Variants in ROBO2 observed in about 807,000 individuals in gnomAD.
The protein encoded by ROBO2 is roundabout homolog 2.
A neutral mutation model predicts 160.8 loss-of-function variants in ROBO2; 53 were observed. The observed-to-expected ratio is 0.33, with a 90% confidence interval of 0.26 to 0.41. The LOEUF (loss-of-function observed/expected upper bound fraction) is 0.41, where lower values mean the gene tolerates loss of function less well. ROBO2 is among the 10% of genes least tolerant of loss of function. The pLI is 1.00. For synonymous variants in ROBO2, 664 were observed against 611.7 expected (o/e 1.09, Z -1.26); for missense variants, 1,577 against 1,722.4 (o/e 0.92, Z 1.49).
At chr3:76,978,894 A>C (rs1228368779) in intron 2 of ROBO2, among the ~76,000 whole-genome samples, 2 of 151,770 alleles carry the variant, frequency 1.3e-5, no homozygotes, top group African/African-American at 4.8e-5. Flanking sequence ...TGTAAATATA[A>C]GGAGTACAAG....
chr3:76,124,694 C>T (rs2070896755), intron 2 of ROBO2, among the ~76,000 whole-genome samples: 1 of 151,816 alleles, frequency 6.6e-6, no homozygotes, highest in Non-Finnish European at 1.5e-5. Context: ...AATAAAGTTA[C>T]AATGAACTTC....
At chr3:76,135,969 A>AC (rs33977973) in intron 2 of ROBO2, among the ~76,000 whole-genome samples, 8 of 151,668 alleles carry the variant, frequency 5.3e-5, no homozygotes, top group African/African-American at 1.9e-4. Flanking sequence ...TACCAAAAAA[A>AC]ATCTGTAACA....
intron 2 of ROBO2, among the ~76,000 whole-genome samples, chr3:76,513,893 C>G (rs185660409): frequency 6.6e-6 from 1 of 152,140 alleles, no homozygotes; most frequent in East Asian, 1.9e-4. Context: ...AATGTAAGAA[C>G]TTTTTGAAAA....
At chr3:76,711,291 G>A (rs1263888912) in intron 2 of ROBO2, among the ~76,000 whole-genome samples, 1 of 152,120 alleles carries the variant, frequency 6.6e-6, no homozygotes, top group Non-Finnish European at 1.5e-5. Flanking sequence ...AAGAGCGAAG[G>A]GGGAAGTGTC....
intron 2 of ROBO2, among the ~76,000 whole-genome samples, chr3:77,383,972 C>A (rs2073832967): frequency 6.6e-6 from 1 of 152,200 alleles, no homozygotes; most frequent in Non-Finnish European, 1.5e-5. Context: ...TAAATGAGTT[C>A]TATCAAACAT....
At chr3:77,568,634 G>T (rs2093556719) in intron 13 of ROBO2, among the ~76,000 whole-genome samples, 200 bp downstream of exon 14, 1 of 151,942 alleles carries the variant, frequency 6.6e-6, no homozygotes, top group African/African-American at 2.4e-5. Context: ...TATAAACATG[G>T]CATATCCTGT....
At chr3:76,462,664 G>A (rs2078150498) in intron 2 of ROBO2, among the ~76,000 whole-genome samples, 1 of 151,798 alleles carries the variant, frequency 6.6e-6, no homozygotes, top group African/African-American at 2.4e-5. Flanking sequence ...ATGCATCACA[G>A]GGAGTAAGAG....
At chr3:76,115,159 A>G (rs1332587053) in intron 2 of ROBO2, among the ~76,000 whole-genome samples, 1 of 152,114 alleles carries the variant, frequency 6.6e-6, no homozygotes, top group East Asian at 1.9e-4. Context: ...TTGAACTAAG[A>G]TACCTTCTCA....
chr3:76,174,722 A>C (rs1343375729), intron 2 of ROBO2, among the ~76,000 whole-genome samples: 1 of 151,990 alleles, frequency 6.6e-6, no homozygotes, highest in Non-Finnish European at 1.5e-5. Context: ...ATTGGTCTAT[A>C]TATCTGTTTT....
intron 2 of ROBO2, among the ~76,000 whole-genome samples, chr3:77,242,961 G>T (rs1178607830): frequency 1.3e-5 from 2 of 151,632 alleles, no homozygotes; most frequent in African/African-American, 2.4e-5. Flanking sequence ...ATATGTGTGT[G>T]TGTGCATGTG....
At chr3:76,889,488 G>A (rs1164425538) in intron 2 of ROBO2, among the ~76,000 whole-genome samples, 1 of 152,020 alleles carries the variant, frequency 6.6e-6, no homozygotes, top group Non-Finnish European at 1.5e-5. Flanking sequence ...TGATAAACAT[G>A]GTAAAGACTT....
intron 2 of ROBO2, among the ~76,000 whole-genome samples, chr3:76,995,683 G>A (rs1379990012): frequency 6.6e-6 from 1 of 152,166 alleles, no homozygotes; most frequent in African/African-American, 2.4e-5. Flanking sequence ...GTTTTGATTT[G>A]TATTTCTCTG....
intron 2 of ROBO2, among the ~76,000 whole-genome samples, chr3:76,795,154 G>A (rs566503463): frequency 3.3e-5 from 5 of 152,136 alleles, no homozygotes; most frequent in Non-Finnish European, 5.9e-5. Flanking sequence ...CATCTGAGAC[G>A]TCAGCAAGTC....
chr3:77,423,022 A>T (rs2077852653), intron 2 of ROBO2, among the ~76,000 whole-genome samples: 1 of 152,136 alleles, frequency 6.6e-6, no homozygotes, highest in Non-Finnish European at 1.5e-5. Flanking sequence ...TACAATCTAG[A>T]AGTTAAGTGA....
intron 2 of ROBO2, among the ~76,000 whole-genome samples, chr3:76,998,076 C>T (rs1304739795): frequency 1.3e-5 from 2 of 152,138 alleles, no homozygotes; most frequent in Non-Finnish European, 2.9e-5. Flanking sequence ...ACAAGACCAG[C>T]TCAGAATCCA....
At chr3:76,611,902 A>C (rs2109088655) in intron 2 of ROBO2, among the ~76,000 whole-genome samples, 1 of 152,248 alleles carries the variant, frequency 6.6e-6, no homozygotes, top group East Asian at 1.9e-4. Flanking sequence ...TTACTGCTAT[A>C]AACTTTCCTC....
chr3:76,657,884 GTA>G (rs537664624), intron 2 of ROBO2, among the ~76,000 whole-genome samples: 21 of 146,586 alleles, frequency 1.4e-4, no homozygotes, highest in Admixed American at 6.9e-4. Flanking sequence ...GTGTGTGTGT[GTA>G]TATATATATA....
chr3:76,363,438 T>G (rs2108410460), intron 2 of ROBO2, among the ~76,000 whole-genome samples: 1 of 152,220 alleles, frequency 6.6e-6, no homozygotes, highest in South Asian at 2.1e-4. Context: ...GTTTATTCTC[T>G]TATCTAAAGG....
intron 2 of ROBO2, among the ~76,000 whole-genome samples, chr3:77,198,444 G>A (rs189318388): frequency 2.7e-4 from 41 of 152,212 alleles, no homozygotes; most frequent in African/African-American, 8.9e-4. Flanking sequence ...ATGAAAGAAG[G>A]TCCGGTGGCT....
Sources: gnomAD v4.1 joint callset for allele counts (sites outside exome capture counted in the v4.1 genomes callset) on GRCh38, gnomAD v4.1.1 for gene constraint, MANE v1.5 for transcripts, NCBI Gene and HGNC (gene_info 2026-07-23, HGNC 2026-07-21) for gene names.